The following NLGN1 variants were observed in gnomAD, a reference collection of about 807,000 sequenced individuals.
The protein encoded by NLGN1 is neuroligin 1.
Under a neutral mutation model 65.5 loss-of-function variants are expected in NLGN1, and 12 were observed. The observed-to-expected ratio is 0.18, with a 90% CI of 0.12 to 0.30. The LOEUF is 0.30. Among genes scored for constraint, NLGN1 ranks in the 10% least tolerant of loss-of-function variants. The pLI is 1.00. For missense variants in NLGN1, 750 were observed against 1,007.1 expected, an observed-to-expected ratio of 0.74 and a Z score of 3.46; for synonymous variants, 350 against 359.5, an observed-to-expected ratio of 0.97 and a Z score of 0.30.
At chr3:173,863,124 C>T (rs956596990) in intron 4 of NLGN1, among the ~76,000 whole-genome samples, 3 of 150,276 alleles carry the variant, frequency 2.0e-5, no homozygotes, top group South Asian at 2.1e-4. Flanking sequence ...GCAATGTGAG[C>T]GATGGCTGAT....
chr3:173,835,333 G>C (rs1451664218), intron 4 of NLGN1, among the ~76,000 whole-genome samples: 2 of 151,980 alleles, frequency 1.3e-5, no homozygotes, highest in East Asian at 3.9e-4. Context: ...AAGAGGAAAG[G>C]CTTTTTAATA....
chr3:174,044,092 C>A (rs1732973815), intron 4 of NLGN1, among the ~76,000 whole-genome samples: 1 of 152,138 alleles, frequency 6.6e-6, no homozygotes, highest in Non-Finnish European at 1.5e-5. Context: ...ATCTTGGTCC[C>A]CTTTAGCTAT....
chr3:174,083,691 A>G (rs776232858), intron 4 of NLGN1, among the ~76,000 whole-genome samples: 2 of 152,214 alleles, frequency 1.3e-5, no homozygotes, highest in Non-Finnish European at 2.9e-5. Context: ...CATTCTTCAC[A>G]TAGTCTCAAG....
chr3:174,274,082 A>G (rs1279916333), intron 4 of NLGN1, among the ~76,000 whole-genome samples: 1 of 151,624 alleles, frequency 6.6e-6, no homozygotes, highest in African/African-American at 2.4e-5. Flanking sequence ...ATAAGAGAGA[A>G]TGAATTTTTA....
intron 3 of NLGN1, among the ~76,000 whole-genome samples, chr3:173,774,816 G>C (rs1371027551): frequency 1.3e-5 from 2 of 151,812 alleles, no homozygotes; most frequent in Non-Finnish European, 2.9e-5. Context: ...CTCTAATACA[G>C]CCTCCCCCAG....
intron 2 of NLGN1, among the ~76,000 whole-genome samples, chr3:173,596,071 G>A (rs1328498844): frequency 6.6e-6 from 1 of 152,176 alleles, no homozygotes; most frequent in African/African-American, 2.4e-5. Flanking sequence ...CGTCTACCAT[G>A]TACTCAGGTG....
intron 4 of NLGN1, among the ~76,000 whole-genome samples, chr3:174,155,972 CT>C (rs1725370040): frequency 6.6e-6 from 1 of 151,746 alleles, no homozygotes; most frequent in Non-Finnish European, 1.5e-5. Context: ...TTTGAAACAC[CT>C]TTACATAATA....
At chr3:174,148,126 G>A (rs1723683791) in intron 4 of NLGN1, among the ~76,000 whole-genome samples, 1 of 152,162 alleles carries the variant, frequency 6.6e-6, no homozygotes, top group Admixed American at 6.5e-5. Flanking sequence ...TGACAAACAT[G>A]AGCTGTTCTC....
chr3:173,585,365 A>G (rs1747211161), intron 2 of NLGN1, among the ~76,000 whole-genome samples: 1 of 152,108 alleles, frequency 6.6e-6, no homozygotes, highest in Admixed American at 6.5e-5. Context: ...CTGCATGTAG[A>G]GCGGAAAAGC....
At chr3:174,209,627 T>C (rs905363237) in intron 4 of NLGN1, among the ~76,000 whole-genome samples, 5 of 131,314 alleles carry the variant, frequency 3.8e-5, no homozygotes, top group Admixed American at 3.0e-4. Flanking sequence ...TTCTTTCTTT[T>C]TTTTTTTTTT....
chr3:173,402,488 G>T (rs535199106), intron 1 of NLGN1, among the ~76,000 whole-genome samples: 21 of 152,230 alleles, frequency 1.4e-4, no homozygotes, highest in African/African-American at 4.8e-4. Flanking sequence ...CCAATTAAAG[G>T]CTTTAACAAA....
chr3:174,038,991 G>A (rs1299487965), intron 4 of NLGN1, among the ~76,000 whole-genome samples: 1 of 152,178 alleles, frequency 6.6e-6, no homozygotes, highest in Non-Finnish European at 1.5e-5. Flanking sequence ...GAAAGAACAT[G>A]TGGTGTTTTC....
Position 173,615,656 on chromosome 3 carries a change from CA to C in NLGN1, c.493+10569del, listed in dbSNP as rs1371735346. 1.7e-4 allele frequency among the ~76,000 whole-genome samples: 25 copies of C among 151,186 alleles called. 1 individual carries two copies. Among genetic ancestry groups the C allele is most frequent in the Admixed American group, 1.6e-3 (25 of 15,178 alleles). On this transcript the variant is annotated intron_variant, in intron 3 of 6. Transcript: ENST00000457714. ...CAGAATAAAACACATCAGGCATAAC[CA>C]AAACTATAATTATATCAGCCCTGTT... is the stretch of plus-strand genomic sequence containing the variant.
At chr3:173,600,628 A>C (rs2149435090) in intron 2 of NLGN1, among the ~76,000 whole-genome samples, 1 of 140,134 alleles carries the variant, frequency 7.1e-6, no homozygotes, top group Non-Finnish European at 1.6e-5. Context: ...AAGGTACGTA[A>C]AGTTATAAGT....
At chr3:173,513,248 T>G (rs985372305) in intron 2 of NLGN1, among the ~76,000 whole-genome samples, 6 of 152,066 alleles carry the variant, frequency 3.9e-5, no homozygotes, top group Non-Finnish European at 8.8e-5. Context: ...TGATAATTGC[T>G]GTGAGGAGGT....
intron 4 of NLGN1, among the ~76,000 whole-genome samples, chr3:174,120,889 C>T (rs140217205): frequency 6.6e-5 from 10 of 152,298 alleles, no homozygotes; most frequent in African/African-American, 1.7e-4. Context: ...TCACTGCTCA[C>T]GACTCTACTG....
intron 2 of NLGN1, among the ~76,000 whole-genome samples, chr3:173,527,930 A>G (rs1194291152): frequency 2.0e-5 from 3 of 152,174 alleles, no homozygotes; most frequent in Non-Finnish European, 4.4e-5. Context: ...TCTTTTAAGT[A>G]GAGCATTTAG....
At chr3:174,276,421 G>A (rs79026780) in intron 5 of NLGN1, among the ~76,000 whole-genome samples, 3,294 of 151,962 alleles carry the variant, frequency 0.022, 122 homozygotes, top group African/African-American at 0.076. Context: ...CATTATTTAT[G>A]TATGATAGGA....
At position 173,670,757 on chromosome 3, in the gene NLGN1, A is replaced by C. The variant is rs141613756; in HGVS notation, c.493+65666A>C. On this transcript the variant is annotated intron_variant, in intron 3 of 6. Coordinates refer to ENST00000457714, the Ensembl canonical transcript of NLGN1. ...CCATTGAAAGGTGCAGGAGCCTATC[A>C]ATTTTTAGCTTCTAGCATAAAACGA... Among the ~76,000 whole-genome samples the C allele has an allele frequency of 6.5e-4, 99 of 152,332 alleles. 1 individual carries two copies. In the East Asian group the frequency reaches 0.013, roughly 20 times the overall value.
Sources: allele counts gnomAD v4.1 joint callset (sites outside exome capture counted in the v4.1 genomes callset), GRCh38; gene constraint gnomAD v4.1.1; transcripts MANE v1.5; gene names NCBI Gene and HGNC (gene_info 2026-07-23, HGNC 2026-07-21).